Variants in BBS9 observed in about 807,000 individuals in gnomAD.
BBS9 encodes the protein Bardet-Biedl syndrome 9.
BBS9 carries 89 observed loss-of-function variants against 117.7 expected under a neutral mutation model. The observed-to-expected ratio is 0.76, with a 90% CI of 0.64 to 0.90. The LOEUF (loss-of-function observed/expected upper bound fraction) is 0.90, where lower values mean the gene tolerates loss of function less well. BBS9 is among the 40% of genes least tolerant of loss of function. The pLI, the probability that BBS9 is intolerant of heterozygous loss-of-function variation, is 0.00. For synonymous variants in BBS9, 379 were observed against 370.9 expected, an observed-to-expected ratio of 1.02 and a Z score of -0.25; for missense variants, 982 against 1,042.2, an observed-to-expected ratio of 0.94 and a Z score of 0.80.
chr7:33,329,555 A>G (rs561982840), intron 9 of BBS9, among the ~76,000 whole-genome samples: 10 of 152,196 alleles, frequency 6.6e-5, no homozygotes, highest in African/African-American at 2.2e-4. Flanking sequence ...TAGACATTCT[A>G]TTATAGATAC....
intron 19 of BBS9, among the ~76,000 whole-genome samples, chr7:33,391,257 C>T (rs1424245832): frequency 6.6e-6 from 1 of 152,150 alleles, no homozygotes; most frequent in East Asian, 1.9e-4. Context: ...ATTCCTGTCC[C>T]TGTGGCATAA....
chr7:33,183,888 C>A (rs1373972657), intron 5 of BBS9, among the ~76,000 whole-genome samples: 5 of 152,148 alleles, frequency 3.3e-5, no homozygotes, highest in African/African-American at 1.2e-4. Context: ...CTAGCTTGAA[C>A]AGCAGGCTTG....
intron 19 of BBS9, among the ~76,000 whole-genome samples, chr7:33,399,552 T>A (rs1828570360): frequency 6.6e-6 from 1 of 152,184 alleles, no homozygotes; most frequent in Non-Finnish European, 1.5e-5. Context: ...CTGTGTAGCA[T>A]CTTGCATGGT....
intron 6 of BBS9, 75 bp downstream of exon 6, chr7:33,257,485 G>A: frequency 7.6e-7 from 1 of 1,315,314 alleles, no homozygotes; most frequent in Non-Finnish European, 1.1e-6. Flanking sequence ...TGTCCACAAA[G>A]AGCTTCAATA....
chr7:33,403,259 A>G (rs1046325215), intron 19 of BBS9, among the ~76,000 whole-genome samples: 1 of 150,040 alleles, frequency 6.7e-6, no homozygotes. Flanking sequence ...TCCCCACTCT[A>G]ATACTCCCAG....
chr7:33,619,573 A>G (rs1191303808), intron 21 of BBS9, among the ~76,000 whole-genome samples: 1 of 152,168 alleles, frequency 6.6e-6, no homozygotes, highest in African/African-American at 2.4e-5. Context: ...TTGAATGCAC[A>G]TGGAACATTA....
At chr7:33,629,512 CCT>C (rs1395943093) in intron 21 of BBS9, among the ~76,000 whole-genome samples, 1 of 152,090 alleles carries the variant, frequency 6.6e-6, no homozygotes, top group African/African-American at 2.4e-5. Context: ...TCTTCCTGAA[CCT>C]CTGTTCTTAG....
chr7:33,264,021 C>A (rs1203032773), intron 6 of BBS9, among the ~76,000 whole-genome samples: 1 of 151,928 alleles, frequency 6.6e-6, no homozygotes, highest in Non-Finnish European at 1.5e-5. Flanking sequence ...ACATAAAATT[C>A]TAATGGAAGT....
At chr7:33,187,883 T>G (rs1583534021) in intron 5 of BBS9, among the ~76,000 whole-genome samples, 1 of 151,712 alleles carries the variant, frequency 6.6e-6, no homozygotes, top group African/African-American at 2.4e-5. Context: ...GATTGCATCA[T>G]TGCACTCCAG....
At chr7:33,422,801 G>A (rs1192493831) in intron 19 of BBS9, among the ~76,000 whole-genome samples, 1 of 152,016 alleles carries the variant, frequency 6.6e-6, no homozygotes, top group African/African-American at 2.4e-5. Flanking sequence ...ATAAAGACAG[G>A]GTCTTGCTGT....
At chr7:33,527,433 T>A (rs921224535) in intron 20 of BBS9, among the ~76,000 whole-genome samples, 2 of 152,118 alleles carry the variant, frequency 1.3e-5, no homozygotes, top group Non-Finnish European at 2.9e-5. Context: ...GAGCCAGGTG[T>A]GGGATATAGT....
rs1254042535 is a variant in BBS9 at position 33,527,006 on chromosome 7, C to T, written c.2299-6948C>T. On this transcript the variant is annotated intron_variant, in intron 20 of 22. Transcript: ENST00000242067. ...CTGCAGGTCTGTTGCAATACCCTGC[C>T]GTGTGAGGTGTCAGTGTGCCCCTGT... Among the ~76,000 whole-genome samples the T allele has an allele frequency of 3.9e-4, 59 of 150,626 alleles. 1 individual carries two copies. Among genetic ancestry groups the T allele is most frequent in the African/African-American group, 1.4e-3 (56 of 41,038 alleles).
intron 9 of BBS9, among the ~76,000 whole-genome samples, chr7:33,310,356 TAAA>T (rs201345326): frequency 6.6e-6 from 1 of 152,024 alleles, no homozygotes; most frequent in Non-Finnish European, 1.5e-5. Flanking sequence ...TATAGATTTT[TAAA>T]AAAAACACAC....
intron 21 of BBS9, among the ~76,000 whole-genome samples, chr7:33,567,338 G>C (rs2129130691): frequency 6.6e-6 from 1 of 152,280 alleles, no homozygotes; most frequent in African/African-American, 2.4e-5. Flanking sequence ...ACTCTCAGTA[G>C]CTGTTGCTAT....
chr7:33,415,719 C>T (rs76854540), intron 19 of BBS9, among the ~76,000 whole-genome samples: 9,135 of 152,214 alleles, frequency 0.06, 301 homozygotes, highest in East Asian at 0.14. Flanking sequence ...CCCAAGAAAG[C>T]GTAGTGCTCT....
At chr7:33,262,716 C>T (rs1204750323) in intron 6 of BBS9, among the ~76,000 whole-genome samples, 1 of 152,182 alleles carries the variant, frequency 6.6e-6, no homozygotes, top group East Asian at 1.9e-4. Flanking sequence ...TCCTAAACTC[C>T]TGTCATGGCC....
intron 21 of BBS9, among the ~76,000 whole-genome samples, chr7:33,570,237 A>T (rs575788410): frequency 1.3e-5 from 2 of 152,330 alleles, no homozygotes; most frequent in South Asian, 4.1e-4. Context: ...TCAAGAAAAC[A>T]CAAGATGAGC....
chr7:33,229,445 T>A (rs1791914549), intron 5 of BBS9, among the ~76,000 whole-genome samples: 1 of 152,152 alleles, frequency 6.6e-6, no homozygotes, highest in Non-Finnish European at 1.5e-5. Context: ...TTTTGTTTTG[T>A]TTTGCTTTTT....
At chr7:33,352,495 CA>C (rs1283834934) in intron 14 of BBS9, among the ~76,000 whole-genome samples, 1 of 152,004 alleles carries the variant, frequency 6.6e-6, no homozygotes, top group Non-Finnish European at 1.5e-5. Context: ...AAAATAAATT[CA>C]AAAAGTAACT....
Sources: allele counts gnomAD v4.1 joint callset (sites outside exome capture counted in the v4.1 genomes callset), GRCh38; gene constraint gnomAD v4.1.1; transcripts MANE v1.5; gene names NCBI Gene and HGNC (gene_info 2026-07-23, HGNC 2026-07-21).